The following KDM6A variants were observed in gnomAD, a reference collection of about 807,000 sequenced individuals.
The protein encoded by KDM6A is lysine-specific demethylase 6A.
A neutral mutation model predicts 117.6 loss-of-function variants in KDM6A; 11 were observed. The ratio of observed to expected loss-of-function variants is 0.09; its 90% confidence interval spans 0.06 to 0.15. The LOEUF is 0.15. Among genes scored for constraint, KDM6A ranks in the 10% least tolerant of loss-of-function variants. The pLI is 1.00. For missense variants in KDM6A, 799 were observed against 1,077.3 expected, an observed-to-expected ratio of 0.74 and a Z score of 3.62; for synonymous variants, 384 against 396.1, an observed-to-expected ratio of 0.97 and a Z score of 0.36.
At chrX:45,039,210 C>T (rs1009750861) in intron 8 of KDM6A, among the ~76,000 whole-genome samples, 23 of 110,465 alleles carry the variant, frequency 2.1e-4, no homozygotes, top group Non-Finnish European at 4.0e-4. Context: ...CTTTGCCTCC[C>T]CATCCCCCCT....
At chrX:45,020,530 CAG>C (rs1239909083) in intron 5 of KDM6A, 78 bp from the exon 6 acceptor site, 13 of 977,129 alleles carry the variant, frequency 1.3e-5, no homozygotes, top group Non-Finnish European at 1.7e-5. Flanking sequence ...TTGCATAAAA[CAG>C]AAGTTTCAAT....
chrX:45,023,950 G>T (rs924765888), intron 6 of KDM6A, among the ~76,000 whole-genome samples: 1 of 111,827 alleles, frequency 8.9e-6, no homozygotes, highest in African/African-American at 3.3e-5. Flanking sequence ...CTCCATTCAG[G>T]TTGCTGCAAA....
chrX:45,063,389 C>G lies in KDM6A; in HGVS notation c.1684-33C>G, dbSNP rs746683078. 11 of 1,185,491 alleles carry G rather than the reference C, an allele frequency of 9.3e-6. No individual in the cohort carries two copies. In the East Asian group the frequency reaches 3.3e-4, roughly 35 times the overall value. On this transcript the variant is annotated intron_variant, in intron 16 of 29. Coordinates refer to ENST00000611820, the MANE Select transcript of KDM6A (RefSeq NM_001291415.2). ...ATTCTCTTCCCTATAGATTACACAA[C>G]CAGCATTTACTTTTCCTTTGTTTTT...
chrX:44,969,069 TA>T (rs2039185953), intron 3 of KDM6A, among the ~76,000 whole-genome samples: 1 of 110,800 alleles, frequency 9.0e-6, no homozygotes, highest in South Asian at 3.8e-4. Context: ...GGATAGACAG[TA>T]AGAACTTCAG....
intron 6 of KDM6A, among the ~76,000 whole-genome samples, chrX:45,032,703 G>A (rs1362000895): frequency 9.0e-6 from 1 of 111,275 alleles, no homozygotes; most frequent in African/African-American, 3.3e-5. Flanking sequence ...TGCCCGCCTC[G>A]GCCTCCCAAA....
chrX:45,018,163 C>T (rs971868959), intron 5 of KDM6A, among the ~76,000 whole-genome samples: 4 of 110,745 alleles, frequency 3.6e-5, no homozygotes, highest in South Asian at 3.8e-4. Flanking sequence ...AGGAGCCACA[C>T]GTTTGAGGGA....
At chrX:45,047,694 T>TTTTTTTTTTTTTTC (rs2043628537) in intron 8 of KDM6A, among the ~76,000 whole-genome samples, 1 of 76,123 alleles carries the variant, frequency 1.3e-5, no homozygotes, top group Non-Finnish European at 2.6e-5. Context: ...TTTTTTTTTT[T>TTTTTTTTTTTTTTC]TTTTTTTTTG....
chrX:45,018,203 A>G (rs1362743900), intron 5 of KDM6A, among the ~76,000 whole-genome samples: 1 of 111,418 alleles, frequency 9.0e-6, no homozygotes, highest in Non-Finnish European at 1.9e-5. Context: ...GAGCAAGGAA[A>G]GTCCTTAAGG....
rs754965854 is a variant in KDM6A at position 45,051,694 on chromosome X, T to C, written c.655-15T>C. 5.7e-5 allele frequency: 59 copies of C among 1,034,554 alleles called. 2 individuals are homozygous for C. The South Asian group carries it at 1.1e-3, about 20-fold the overall frequency. 85.3% of individuals were successfully genotyped at this position (1,034,554 alleles called of 1,213,427 possible). On this transcript the variant is annotated splice_polypyrimidine_tract_variant and intron_variant, in intron 8 of 29. Coordinates refer to ENST00000611820, the MANE Select transcript of KDM6A (RefSeq NM_001291415.2). ...TATGTTAATTTTTCTCCAAATCTCTTTTTCTGTTCTTTAGAGGAAATATCA... is the reference window on the plus strand; with the variant it reads ...TATGTTAATTTTTCTCCAAATCTCTCTTTCTGTTCTTTAGAGGAAATATCA...
At chrX:44,900,331 A>G (rs2034248825) in intron 2 of KDM6A, among the ~76,000 whole-genome samples, 1 of 112,018 alleles carries the variant, frequency 8.9e-6, no homozygotes, top group African/African-American at 3.3e-5. Flanking sequence ...TCAAATGAAT[A>G]AGCAAGGGAA....
chrX:44,937,796 A>G (rs1199993670), intron 2 of KDM6A, among the ~76,000 whole-genome samples: 3 of 112,208 alleles, frequency 2.7e-5, no homozygotes, highest in African/African-American at 9.7e-5. Context: ...GAAGGTCAAG[A>G]TAGAAGCCAA....
intron 2 of KDM6A, among the ~76,000 whole-genome samples, chrX:44,942,899 C>T (rs984865136): frequency 9.1e-6 from 1 of 110,345 alleles, no homozygotes; most frequent in East Asian, 2.8e-4. Context: ...TTACACTTAT[C>T]GGTTCTAGTA....
intron 10 of KDM6A, among the ~76,000 whole-genome samples, chrX:45,057,939 G>GA (rs1164953497): frequency 5.4e-5 from 6 of 110,724 alleles, no homozygotes; most frequent in Non-Finnish European, 7.6e-5. Context: ...TCATTTATTG[G>GA]AAAAACTTTA....
chrX:44,990,861 A>G lies in KDM6A; in HGVS notation c.384+16146A>G, dbSNP rs572443802. On this transcript the variant is annotated intron_variant, in intron 4 of 29. Coordinates refer to ENST00000611820, the MANE Select transcript of KDM6A (RefSeq NM_001291415.2). The stretch of plus-strand genomic sequence containing the variant: ...TATCCTACCTTTGTAATTAGTGACA[A>G]TTTTGTTTCTTCTGTTATCAGTATT... Among the ~76,000 whole-genome samples, 70 of 111,913 alleles carry G rather than the reference A, an allele frequency of 6.3e-4. No homozygotes were observed. In the South Asian group the frequency reaches 9.9e-3, roughly 16 times the overall value.
chrX:45,103,142 C>T (rs1002651390), intron 27 of KDM6A, among the ~76,000 whole-genome samples: 13 of 111,330 alleles, frequency 1.2e-4, no homozygotes, highest in African/African-American at 4.3e-4. Context: ...GAAACTGAGT[C>T]ACATTGCCAT....
In KDM6A at chrX:45,069,667, C is replaced by T. The variant is rs2148036381; in HGVS notation, c.2168C>T (p.Ala723Val). The change falls in exon 18 of 30, where the codon GCA (alanine) becomes GTA (valine). Residue 723 changes from alanine (A) to valine (V), a missense_variant. Physicochemically the swap from Ala to Val is moderately conservative, Grantham distance 64. Coordinates refer to ENST00000611820, the MANE Select transcript of KDM6A (RefSeq NM_001291415.2). ...SSTGPSQHLQAAGSGIQNQNG... is the reference protein window; with the variant it reads ...SSTGPSQHLQVAGSGIQNQNG... Reference sequence around the variant, plus strand: ...ACTGGGCCTTCCCAGCATCTCCAGGCAGCTGGCTCTGGTATTCAGAATCAG... The same window carrying T: ...ACTGGGCCTTCCCAGCATCTCCAGGTAGCTGGCTCTGGTATTCAGAATCAG... The T allele has an allele frequency of 8.3e-7, 1 of 1,209,577 alleles. No homozygotes were observed. Among genetic ancestry groups the T allele is most frequent in the Non-Finnish European group, 1.1e-6 (1 of 893,886 alleles).
intron 2 of KDM6A, among the ~76,000 whole-genome samples, chrX:44,875,961 AAAG>A (rs749975135): frequency 2.7e-5 from 3 of 112,128 alleles, no homozygotes; most frequent in Non-Finnish European, 5.6e-5. Context: ...AAATTTTAAA[AAAG>A]TAACCATTTT....
At chrX:45,024,061 A>G (rs1397624517) in intron 6 of KDM6A, among the ~76,000 whole-genome samples, 4 of 112,098 alleles carry the variant, frequency 3.6e-5, no homozygotes, top group Non-Finnish European at 7.5e-5. Flanking sequence ...GGCTGGTTCC[A>G]TATTTTTGCA....
intron 2 of KDM6A, among the ~76,000 whole-genome samples, chrX:44,919,004 A>G (rs1043596980): frequency 8.9e-6 from 1 of 111,876 alleles, no homozygotes; most frequent in Non-Finnish European, 1.9e-5. Context: ...GACAGATCAT[A>G]AAAAGGGAGG....
Sources: gnomAD v4.1 joint callset for allele counts (sites outside exome capture counted in the v4.1 genomes callset) on GRCh38, gnomAD v4.1.1 for gene constraint, MANE v1.5 for transcripts, NCBI Gene and HGNC (gene_info 2026-07-23, HGNC 2026-07-21) for gene names.